The following PITPNM2 variants were observed in gnomAD, a reference collection of about 807,000 sequenced individuals.
PITPNM2 encodes the protein phosphatidylinositol transfer protein membrane associated 2.
Under a neutral mutation model 132.2 loss-of-function variants are expected in PITPNM2, and 35 were observed. That is an observed-to-expected ratio of 0.26 (90% CI 0.20 to 0.35). The LOEUF (loss-of-function observed/expected upper bound fraction) is 0.35, where lower values mean the gene tolerates loss of function less well. Among genes scored for constraint, PITPNM2 ranks in the 10% least tolerant of loss-of-function variants. The pLI, the probability that PITPNM2 is intolerant of heterozygous loss-of-function variation, is 1.00. For synonymous variants in PITPNM2, 738 were observed against 799.2 expected (o/e 0.92, Z 1.29); for missense variants, 1,332 against 1,912.0 (o/e 0.70, Z 5.66).
chr12:123,032,689 A>G (rs2040135768), intron 3 of PITPNM2, among the ~76,000 whole-genome samples: 1 of 152,158 alleles, frequency 6.6e-6, no homozygotes, highest in Non-Finnish European at 1.5e-5. Context: ...ATTGAGAAGC[A>G]GTAAGACAAC....
At chr12:123,007,937 A>G (rs529984009) in intron 6 of PITPNM2, among the ~76,000 whole-genome samples, 4 of 152,166 alleles carry the variant, frequency 2.6e-5, no homozygotes, top group Non-Finnish European at 5.9e-5. Flanking sequence ...CATCCCCGTG[A>G]TATTATAGGA....
intron 1 of PITPNM2, among the ~76,000 whole-genome samples, chr12:123,125,367 A>T (rs1372730465): frequency 2.6e-5 from 4 of 152,222 alleles, no homozygotes; most frequent in Non-Finnish European, 5.9e-5. Flanking sequence ...AAACAAATAA[A>T]TAATTGATAT....
chr12:122,991,366 C>T (rs1483479383), intron 16 of PITPNM2, among the ~76,000 whole-genome samples: 2 of 152,148 alleles, frequency 1.3e-5, no homozygotes, highest in African/African-American at 2.4e-5. Context: ...CCTCAGAAAG[C>T]GAAGGAGTGG....
intron 5 of PITPNM2, 45 bp downstream of exon 5, chr12:123,012,568 G>A (rs1210528031): frequency 5.6e-6 from 9 of 1,607,592 alleles, no homozygotes; most frequent in South Asian, 1.1e-5. Flanking sequence ...CTGTGGGTAG[G>A]AAACCCAGAG....
intron 1 of PITPNM2, among the ~76,000 whole-genome samples, chr12:123,120,135 T>C (rs2043008211): frequency 6.6e-6 from 1 of 152,192 alleles, no homozygotes; most frequent in Admixed American, 6.5e-5. Context: ...TTGTCAAATA[T>C]GAACCCGCAG....
intron 2 of PITPNM2, among the ~76,000 whole-genome samples, chr12:123,109,182 T>A (rs1458868741): frequency 2.0e-5 from 3 of 152,156 alleles, no homozygotes; most frequent in Non-Finnish European, 4.4e-5. Context: ...GGAACATCCA[T>A]CCTCCGTGCC....
chr12:123,066,834 G>A (rs1048084466), intron 2 of PITPNM2, among the ~76,000 whole-genome samples: 1 of 152,082 alleles, frequency 6.6e-6, no homozygotes, highest in Non-Finnish European at 1.5e-5. Context: ...GATTCTACTC[G>A]TGGAGGCAAA....
intron 10 of PITPNM2, 43 bp from the exon 11 acceptor site, chr12:122,997,615 G>T: frequency 6.3e-7 from 1 of 1,585,182 alleles, no homozygotes. Flanking sequence ...AGGGAACCCA[G>T]CTCCTTGCTG....
intron 1 of PITPNM2, among the ~76,000 whole-genome samples, chr12:123,130,551 C>A (rs1790119): frequency 0.63 from 95,090 of 151,864 alleles, 34,356 homozygotes; most frequent in East Asian, 0.86. Context: ...GAGGCCGAGG[C>A]GGGCGGATCA....
intron 3 of PITPNM2, among the ~76,000 whole-genome samples, chr12:123,021,332 G>GTTTA (rs1194269359): frequency 6.6e-6 from 1 of 152,082 alleles, no homozygotes; most frequent in African/African-American, 2.4e-5. Context: ...GAGAATTTCA[G>GTTTA]TTTATTTATT....
Position 123,004,525 on chromosome 12 carries a change from A to G in PITPNM2, c.953-36T>C. The G allele has an allele frequency of 6.2e-7, 1 of 1,604,564 alleles. No homozygotes were observed. Among genetic ancestry groups the G allele is most frequent in the Non-Finnish European group, 8.5e-7 (1 of 1,172,502 alleles). ...AAACCCCAGATTGACCGCCAACTGG[A>G]GAGGAAGGGCCCAGAGGCTGCCCTG... On this transcript the variant is annotated intron_variant, in intron 7 of 25. Coordinates refer to ENST00000320201, the MANE Select transcript of PITPNM2 (RefSeq NM_020845.3). The surrounding 1 kb of genome is among the most constrained non-coding windows in gnomAD (Gnocchi z 4.9).
chr12:123,128,471 G>T (rs919542036), intron 1 of PITPNM2, among the ~76,000 whole-genome samples: 5 of 147,922 alleles, frequency 3.4e-5, no homozygotes, highest in African/African-American at 7.5e-5. Flanking sequence ...AAAAGGTGGG[G>T]GGGCAGGCGC....
At position 123,126,894 on chromosome 12, in the gene PITPNM2, C is replaced by A. The variant is rs180907098; in HGVS notation, c.-199-16406G>T. ...TGCATGAATGACAGCAGTGATGAAG[C>A]AGTGTCTGTTCTCTGGTTTCCAGCA... is the stretch of plus-strand genomic sequence containing the variant. On this transcript the variant is annotated intron_variant, in intron 1 of 25. Coordinates refer to ENST00000320201, the MANE Select transcript of PITPNM2 (RefSeq NM_020845.3). 2.1e-4 allele frequency among the ~76,000 whole-genome samples: 32 copies of A among 152,340 alleles called. 1 individual carries two copies. Among genetic ancestry groups the A allele is most frequent in the African/African-American group, 6.7e-4 (28 of 41,580 alleles).
intron 11 of PITPNM2, 55 bp downstream of exon 11, chr12:122,997,270 T>A: frequency 6.3e-7 from 1 of 1,598,294 alleles, no homozygotes; most frequent in Admixed American, 1.7e-5. Flanking sequence ...GGCCCAGGGG[T>A]AGGAGGAGGA....
intron 19 of PITPNM2, 106 bp from the exon 20 acceptor site, chr12:122,988,456 G>A: frequency 1.0e-6 from 1 of 965,060 alleles, no homozygotes; most frequent in Non-Finnish European, 1.6e-6. Context: ...CCTGTGGGTT[G>A]TAGGGGGTGT....
Position 122,992,848 on chromosome 12 carries a change from C to T in PITPNM2, c.2234-179G>A, listed in dbSNP as rs2038254382. Reference sequence around the variant, plus strand: ...TTGTCACTTTTTTGTTTGTTTGAGACAGGGTCTTGCTCTGTCACCCAGGCT... The same window carrying T: ...TTGTCACTTTTTTGTTTGTTTGAGATAGGGTCTTGCTCTGTCACCCAGGCT... On this transcript the variant is annotated intron_variant, in intron 15 of 25. Coordinates refer to ENST00000320201, the MANE Select transcript of PITPNM2 (RefSeq NM_020845.3). This position sits in a 1 kb window ranked among gnomAD's most constrained non-coding sequence, Gnocchi z 6.5. Among the ~76,000 whole-genome samples the T allele has an allele frequency of 6.6e-6, 1 of 152,126 alleles. No homozygotes were observed. The highest frequency in any genetic ancestry group is 1.5e-5 in the Non-Finnish European group (1 of 68,020).
intron 1 of PITPNM2, among the ~76,000 whole-genome samples, chr12:123,141,305 A>T (rs2137660250): frequency 6.6e-6 from 1 of 152,330 alleles, no homozygotes; most frequent in Non-Finnish European, 1.5e-5. Context: ...CCTGTGAAGC[A>T]CAATGGGCAG....
intron 2 of PITPNM2, chr12:123,091,826 A>G (rs983347675): frequency 7.2e-5 from 11 of 152,108 alleles, no homozygotes; most frequent in African/African-American, 2.7e-4. Flanking sequence ...TATAGAGAAG[A>G]CCTTGGCCTT....
intron 3 of PITPNM2, among the ~76,000 whole-genome samples, chr12:123,018,286 T>C (rs933926440): frequency 3.4e-5 from 4 of 118,952 alleles, no homozygotes; most frequent in African/African-American, 1.1e-4. Flanking sequence ...CTTTTCTTTT[T>C]TCTTTTCTTT....
Sources: allele counts gnomAD v4.1 joint callset (sites outside exome capture counted in the v4.1 genomes callset), GRCh38; gene constraint gnomAD v4.1.1; non-coding constraint Gnocchi (gnomAD v3.1); transcripts MANE v1.5; gene names NCBI Gene and HGNC (gene_info 2026-07-23, HGNC 2026-07-21).